Variants in EML6 observed in about 807,000 individuals in gnomAD.
EML6 encodes the protein EMAP like 6.
EML6 carries 154 observed loss-of-function variants against 240.1 expected under a neutral mutation model. The observed-to-expected ratio is 0.64, with a 90% confidence interval of 0.56 to 0.73. The LOEUF (loss-of-function observed/expected upper bound fraction) is 0.73, where lower values mean the gene tolerates loss of function less well. Among genes scored for constraint, EML6 ranks in the 30% least tolerant of loss-of-function variants. The pLI is 0.00. For missense variants in EML6, 2,964 were observed against 2,474.6 expected (o/e 1.20, Z -4.20); for synonymous variants, 1,148 against 899.0 (o/e 1.28, Z -4.95).
chr2:54,769,169 C>G (rs768706115), intron 2 of EML6, among the ~76,000 whole-genome samples: 39 of 152,322 alleles, frequency 2.6e-4, no homozygotes, highest in Admixed American at 7.2e-4. Context: ...GCCAGTCTGG[C>G]TGCAGTGTGC....
rs139707302 is a variant in EML6 at position 54,884,617 on chromosome 2, G to A, written c.2438+4977G>A. Among the ~76,000 whole-genome samples the A allele has an allele frequency of 2.6e-5, 4 of 152,310 alleles. No individual in the cohort carries two copies. The East Asian group carries it at 7.7e-4, about 29-fold the overall frequency. ...GGAGATCCTAAGGATTGTAGGAGTA[G>A]TAGGTCAGGAAATGGAGGGGGAGAA... is the stretch of plus-strand genomic sequence containing the variant. On this transcript the variant is annotated intron_variant, in intron 17 of 41. Coordinates refer to ENST00000356458, the MANE Select transcript of EML6 (RefSeq NM_001039753.4).
intron 5 of EML6, among the ~76,000 whole-genome samples, chr2:54,826,699 G>C (rs1003342238): frequency 1.3e-5 from 2 of 152,118 alleles, no homozygotes; most frequent in Non-Finnish European, 2.9e-5. Context: ...CTGAAGCTTT[G>C]TGTATGGTCT....
rs750178543 is a variant in EML6, at chr2:54,895,110, C to G, written c.2854+84C>G. ...ACTAAAGTTTTTAGAAAACTATTAG[C>G]AAATCAATTTTCTCCCTCTTCCATG... is the stretch of plus-strand genomic sequence containing the variant. On this transcript the variant is annotated intron_variant, in intron 20 of 41. Transcript: ENST00000356458. 17 of 1,328,396 alleles carry G rather than the reference C, an allele frequency of 1.3e-5. No individual in the cohort carries two copies. The East Asian group carries it at 3.0e-4, about 24-fold the overall frequency. The allele number at this position is 1,328,396 out of a possible 1,614,324, so 82.3% of individuals were successfully genotyped here.
intron 28 of EML6, among the ~76,000 whole-genome samples, chr2:54,937,847 T>G (rs1284843431): frequency 1.3e-5 from 2 of 152,230 alleles, no homozygotes; most frequent in Non-Finnish European, 2.9e-5. Context: ...TGTTTGTATT[T>G]AAATCATTAT....
chr2:54,819,037 C>T (rs904294465), intron 4 of EML6, among the ~76,000 whole-genome samples: 3 of 152,140 alleles, frequency 2.0e-5, no homozygotes, highest in Non-Finnish European at 2.9e-5. Flanking sequence ...GTATTATCCA[C>T]GTAGAGAAGA....
In EML6 at chr2:54,796,767, A is replaced by G. The variant is rs75394599; in HGVS notation, c.198-16465A>G. Reference sequence around the variant, plus strand: ...AAAATGTTGTGTTTCTTGTGGTAACATAAGTGAATGCATAGAACAAACCGT... The same window carrying G: ...AAAATGTTGTGTTTCTTGTGGTAACGTAAGTGAATGCATAGAACAAACCGT... On this transcript the variant is annotated intron_variant, in intron 2 of 41. Coordinates refer to ENST00000356458, the MANE Select transcript of EML6 (RefSeq NM_001039753.4). 4.3e-3 allele frequency among the ~76,000 whole-genome samples: 658 copies of G among 152,240 alleles called. 7 individuals are homozygous for G. The highest frequency in any genetic ancestry group is 0.015 in the African/African-American group (620 of 41,544).
chr2:54,881,686 G>A (rs1372255102), intron 17 of EML6: 1 of 150,846 alleles, frequency 6.6e-6, no homozygotes, highest in Non-Finnish European at 1.5e-5. Context: ...ACAGGGGCAT[G>A]ATAGAAGCGA....
intron 3 of EML6, among the ~76,000 whole-genome samples, 197 bp from the exon 4 acceptor site, chr2:54,816,590 C>G (rs942136888): frequency 2.0e-4 from 30 of 152,156 alleles, no homozygotes; most frequent in African/African-American, 7.2e-4. Flanking sequence ...CTCTTAGGTT[C>G]TTGAAATTTC....
chr2:54,899,886 C>T (rs1672965985), intron 22 of EML6, 104 bp downstream of exon 22: 1 of 1,112,602 alleles, frequency 9.0e-7, no homozygotes, highest in African/African-American at 1.6e-5. Context: ...TGTTATATGC[C>T]CATAAATATG....
At chr2:54,892,313 A>G (rs1337994443) in intron 18 of EML6, 141 bp from the exon 19 acceptor site, 24 of 627,374 alleles carry the variant, frequency 3.8e-5, no homozygotes, top group Non-Finnish European at 4.3e-5. Context: ...ATTTTTGTTC[A>G]TGATGTTCTC....
At position 54,828,110 on chromosome 2, in the gene EML6, C is replaced by T. The variant is rs1004333420; in HGVS notation, c.711+359C>T. Among the ~76,000 whole-genome samples, 12 of 152,236 alleles carry T rather than the reference C, an allele frequency of 7.9e-5. No homozygotes were observed. The South Asian group carries it at 1.0e-3, about 13-fold the overall frequency. ...TGCAGATTCTGGCTCCATAGGTCTG[C>T]GATGAAGTCGCCACAGCTCATCAGT... is the stretch of plus-strand genomic sequence containing the variant. On this transcript the variant is annotated intron_variant, in intron 6 of 41. Transcript: ENST00000356458.
chr2:54,856,419 A>G (rs1670382674), intron 11 of EML6, among the ~76,000 whole-genome samples: 1 of 152,192 alleles, frequency 6.6e-6, no homozygotes, highest in Non-Finnish European at 1.5e-5. Flanking sequence ...ATTACACCTC[A>G]GCAACCCACA....
rs527611914 is a variant in EML6, at chr2:54,751,852, C to A, written c.197+26594C>A. On this transcript the variant is annotated intron_variant, in intron 2 of 41. Transcript: ENST00000356458. ...GAAAACTGAGGCAGTTAGAGGGTAT[C>A]AAAAAGAGGATGAAACTTTTATCAT... Among the ~76,000 whole-genome samples, 858 of 152,198 alleles carry A rather than the reference C, an allele frequency of 5.6e-3. 1 individual carries two copies. The highest frequency in any genetic ancestry group is 7.6e-3 in the Non-Finnish European group (517 of 67,994).
intron 2 of EML6, among the ~76,000 whole-genome samples, chr2:54,787,451 C>T (rs1011914521): frequency 6.6e-6 from 1 of 152,214 alleles, no homozygotes; most frequent in Admixed American, 6.5e-5. Flanking sequence ...CACTTACCAG[C>T]TGTGTGGCCT....
intron 2 of EML6, among the ~76,000 whole-genome samples, chr2:54,800,345 G>A (rs1294516052): frequency 6.6e-6 from 1 of 152,144 alleles, no homozygotes. Flanking sequence ...TGTTCCATCA[G>A]ATTGGAAGGT....
intron 17 of EML6, among the ~76,000 whole-genome samples, chr2:54,886,250 C>T (rs1464547779): frequency 6.9e-6 from 1 of 144,686 alleles, no homozygotes; most frequent in Admixed American, 7.3e-5. Flanking sequence ...ACTGCAACCT[C>T]TGCCTCCTGG....
chr2:54,844,660 C>T (rs1669652395), intron 8 of EML6, among the ~76,000 whole-genome samples: 1 of 152,182 alleles, frequency 6.6e-6, no homozygotes, highest in Non-Finnish European at 1.5e-5. Flanking sequence ...TTCTGATTCT[C>T]AAAATTGTCT....
chr2:54,741,840 TC>T (rs1683650577), intron 2 of EML6, among the ~76,000 whole-genome samples: 1 of 152,200 alleles, frequency 6.6e-6, no homozygotes, highest in Non-Finnish European at 1.5e-5. Flanking sequence ...AAGGCAAAGC[TC>T]TTCCTTGTAT....
chr2:54,877,649 A>G (rs764786556), intron 16 of EML6, among the ~76,000 whole-genome samples: 2 of 152,254 alleles, frequency 1.3e-5, no homozygotes, highest in Non-Finnish European at 2.9e-5. Context: ...TGCCCAATTT[A>G]AAGCCTGGTA....
Sources: allele counts gnomAD v4.1 joint callset (sites outside exome capture counted in the v4.1 genomes callset), GRCh38; gene constraint gnomAD v4.1.1; transcripts MANE v1.5; gene names NCBI Gene and HGNC (gene_info 2026-07-23, HGNC 2026-07-21).